Variants in LRRC4C observed in about 807,000 individuals in gnomAD.
The protein encoded by LRRC4C is leucine-rich repeat-containing protein 4C.
Under a neutral mutation model 33.6 loss-of-function variants are expected in LRRC4C, and 5 were observed. That is an observed-to-expected ratio of 0.15 (90% confidence interval 0.08 to 0.31). The LOEUF (loss-of-function observed/expected upper bound fraction) is 0.31. Among genes scored for constraint, LRRC4C ranks in the 10% least tolerant of loss-of-function variants. The pLI is 1.00. For missense variants in LRRC4C, 560 were observed against 796.7 expected (o/e 0.70, Z 3.58); for synonymous variants, 329 against 302.0 (o/e 1.09, Z -0.93).
At chr11:40,965,203 T>A (rs1459455278) in intron 1 of LRRC4C, among the ~76,000 whole-genome samples, 1 of 152,190 alleles carries the variant, frequency 6.6e-6, no homozygotes, top group African/African-American at 2.4e-5. Context: ...CTTCGCCCAC[T>A]TTTTGATGGG....
chr11:40,544,599 T>A (rs1043020177), intron 3 of LRRC4C, among the ~76,000 whole-genome samples: 1 of 152,098 alleles, frequency 6.6e-6, no homozygotes, highest in African/African-American at 2.4e-5. Context: ...CTTCAGGGAA[T>A]CACATTTCTT....
At chr11:40,605,157 C>A (rs1960440868) in intron 3 of LRRC4C, among the ~76,000 whole-genome samples, 1 of 151,964 alleles carries the variant, frequency 6.6e-6, no homozygotes, top group African/African-American at 2.4e-5. Flanking sequence ...TATAAGCAGG[C>A]CTTATAAGGC....
intron 1 of LRRC4C, among the ~76,000 whole-genome samples, chr11:41,419,232 C>T (rs1489779376): frequency 1.3e-5 from 2 of 151,904 alleles, no homozygotes; most frequent in Admixed American, 6.6e-5. Context: ...CTGACCCATA[C>T]AGCTCCTGAT....
At chr11:41,397,971 C>CT (rs1225465691) in intron 1 of LRRC4C, among the ~76,000 whole-genome samples, 1 of 151,886 alleles carries the variant, frequency 6.6e-6, no homozygotes, top group East Asian at 1.9e-4. Flanking sequence ...GATCTCAGCC[C>CT]TGTCCACTTG....
chr11:40,426,839 G>C (rs187593438), intron 3 of LRRC4C, among the ~76,000 whole-genome samples: 207 of 152,274 alleles, frequency 1.4e-3, no homozygotes, highest in South Asian at 8.5e-3. Context: ...CTTAGTTTCT[G>C]AAAGACCTTC....
At chr11:41,238,489 C>T (rs1310365074) in intron 1 of LRRC4C, among the ~76,000 whole-genome samples, 1 of 152,114 alleles carries the variant, frequency 6.6e-6, no homozygotes, top group Non-Finnish European at 1.5e-5. Context: ...TTGGAGAGGT[C>T]CAGCTACTGT....
At chr11:40,129,467 C>A (rs905117849) in intron 6 of LRRC4C, among the ~76,000 whole-genome samples, 2 of 152,100 alleles carry the variant, frequency 1.3e-5, no homozygotes, top group African/African-American at 4.8e-5. Flanking sequence ...CAAACAATGC[C>A]CTCTGCTGTA....
At chr11:40,898,038 G>GA (rs910231097) in intron 2 of LRRC4C, among the ~76,000 whole-genome samples, 12 of 151,912 alleles carry the variant, frequency 7.9e-5, no homozygotes, top group African/African-American at 2.7e-4. Context: ...TCTACAAAAA[G>GA]AAAAAAAGTG....
intron 5 of LRRC4C, among the ~76,000 whole-genome samples, chr11:40,188,321 G>C (rs1475705209): frequency 1.3e-5 from 2 of 152,118 alleles, no homozygotes; most frequent in African/African-American, 4.8e-5. Context: ...TCACATTTCA[G>C]TGAATTTCCT....
intron 1 of LRRC4C, among the ~76,000 whole-genome samples, chr11:41,043,331 T>C (rs2138014073): frequency 6.6e-6 from 1 of 152,166 alleles, no homozygotes; most frequent in African/African-American, 2.4e-5. Context: ...TGTTTTTAAA[T>C]TGTAAACAGC....
At chr11:41,234,330 TATTAC>T (rs1947929798) in intron 1 of LRRC4C, among the ~76,000 whole-genome samples, 2 of 152,104 alleles carry the variant, frequency 1.3e-5, no homozygotes, top group Non-Finnish European at 2.9e-5. Flanking sequence ...CTAATTAACA[TATTAC>T]ATTACCTCAT....
intron 1 of LRRC4C, among the ~76,000 whole-genome samples, chr11:41,011,752 C>A (rs186906500): frequency 1.1e-3 from 167 of 149,110 alleles, no homozygotes; most frequent in Non-Finnish European, 2.1e-3. Context: ...GCTATGTAGC[C>A]TTTGTGGGTC....
At chr11:40,307,117 C>T (rs1945079231) in intron 4 of LRRC4C, among the ~76,000 whole-genome samples, 1 of 151,716 alleles carries the variant, frequency 6.6e-6, no homozygotes, top group Non-Finnish European at 1.5e-5. Context: ...CTAGCTGGTA[C>T]CCACTAGATG....
At chr11:40,183,920 A>AG (rs1201214712) in intron 5 of LRRC4C, among the ~76,000 whole-genome samples, 1 of 152,224 alleles carries the variant, frequency 6.6e-6, no homozygotes, top group African/African-American at 2.4e-5. Flanking sequence ...AGGGGTCAAG[A>AG]GTTGAGTGTC....
At chr11:41,130,212 T>A (rs1942947589) in intron 1 of LRRC4C, among the ~76,000 whole-genome samples, 1 of 151,966 alleles carries the variant, frequency 6.6e-6, no homozygotes, top group African/African-American at 2.4e-5. Flanking sequence ...AAATCTTGGT[T>A]ATCATCTCCT....
intron 1 of LRRC4C, among the ~76,000 whole-genome samples, chr11:41,092,838 C>T (rs1053642473): frequency 3.9e-5 from 6 of 152,128 alleles, no homozygotes; most frequent in African/African-American, 1.2e-4. Context: ...TATTGTTATG[C>T]CTCATGGCAT....
At chr11:40,815,870 A>G (rs1054354443) in intron 2 of LRRC4C, among the ~76,000 whole-genome samples, 1 of 152,252 alleles carries the variant, frequency 6.6e-6, no homozygotes, top group African/African-American at 2.4e-5. Flanking sequence ...TAATAGAGAA[A>G]TGACCTACAT....
chr11:41,207,131 A>G (rs187477231), intron 1 of LRRC4C, among the ~76,000 whole-genome samples: 2 of 152,234 alleles, frequency 1.3e-5, no homozygotes, highest in Non-Finnish European at 2.9e-5. Context: ...TCTATGCATT[A>G]TTGTTTCAGT....
chr11:41,056,126 GA>G (rs1415346944), intron 1 of LRRC4C, among the ~76,000 whole-genome samples: 3 of 151,882 alleles, frequency 2.0e-5, no homozygotes, highest in African/African-American at 7.3e-5. Context: ...ACCCAAGAAT[GA>G]AAAAAACTAA....
Sources: gnomAD v4.1 joint callset for allele counts (sites outside exome capture counted in the v4.1 genomes callset) on GRCh38, gnomAD v4.1.1 for gene constraint, MANE v1.5 for transcripts, NCBI Gene and HGNC (gene_info 2026-07-23, HGNC 2026-07-21) for gene names.